The following LYST variants were observed in gnomAD, a reference collection of about 807,000 sequenced individuals.
LYST encodes the protein lysosomal-trafficking regulator.
In LYST, 192 loss-of-function variants were observed where a neutral mutation model predicts 413.6. That is an observed-to-expected ratio of 0.46 (90% CI 0.41 to 0.52). LYST has a LOEUF of 0.52. Ranked by LOEUF, LYST falls within the 20% of genes least tolerant of loss-of-function variation. The probability of loss-of-function intolerance (pLI) is 0.00; values close to 1 mark genes in which losing one functional copy is unlikely to be tolerated. For synonymous variants in LYST, 1,525 were observed against 1,567.3 expected, an observed-to-expected ratio of 0.97 and a Z score of 0.64; for missense variants, 3,815 against 4,499.9, an observed-to-expected ratio of 0.85 and a Z score of 4.35.
At chr1:235,740,620 T>C (rs1371524930) in intron 31 of LYST, among the ~76,000 whole-genome samples, 2 of 152,202 alleles carry the variant, frequency 1.3e-5, no homozygotes, top group Admixed American at 6.5e-5. Context: ...AGCTGTATAA[T>C]AGTCTATATG....
chr1:235,806,180 C>T lies in LYST; in HGVS notation c.2956G>A (p.Gly986Ser). 1 of 1,613,808 alleles carries T rather than the reference C, an allele frequency of 6.2e-7. No individual in the cohort carries two copies. Among genetic ancestry groups the T allele is most frequent in the Non-Finnish European group, 8.5e-7 (1 of 1,179,968 alleles). Residue 986 changes from glycine (G) to serine (S), a missense_variant, in exon 6 of 53, where the codon GGT becomes AGT. Gly to Ser is a moderately conservative substitution (Grantham distance 56, BLOSUM62 0). This residue lies in a region of LYST where 1,648 missense variants were observed against 1,810.3 expected (regional missense o/e 0.91). Transcript: ENST00000389793. ...VFQKQFYRLG[G>S]FRVCHKLIFM... ...ATTAACTTATGGCATACTCGGAAAC[C>T]ACCAAGCCTATAAAACTGTTTCTGG...
chr1:235,735,528 T>A (rs2103229047), intron 31 of LYST: 1 of 152,268 alleles, frequency 6.6e-6, no homozygotes, highest in East Asian at 1.9e-4. Context: ...GGCCCTTACA[T>A]GCTGTAGATA....
intron 14 of LYST, among the ~76,000 whole-genome samples, chr1:235,784,209 C>T (rs1332272556): frequency 2.0e-5 from 3 of 152,180 alleles, no homozygotes; most frequent in South Asian, 2.1e-4. Flanking sequence ...TATAAAGTGA[C>T]AAAGATACTA....
Position 235,791,867 on chromosome 1 carries a change from G to A in LYST, c.4375C>T (p.Pro1459Ser). 1 of 1,614,142 alleles carries A rather than the reference G, an allele frequency of 6.2e-7. No homozygotes were observed. Among genetic ancestry groups the A allele is most frequent in the Non-Finnish European group, 8.5e-7 (1 of 1,180,004 alleles). Residue 1459 changes from proline (P) to serine (S), a missense_variant, in exon 12 of 53, where the codon CCG (proline) becomes TCG (serine). By Grantham distance (74) the Pro-to-Ser change is moderately conservative (BLOSUM62 -1). Coordinates refer to ENST00000389793, the MANE Select transcript of LYST (RefSeq NM_000081.4). ...GGCCAGCAGTTTTGCCCCAGCAACGGCAGGTGGACTGGGGCTATGTGCCAA... is the reference window on the plus strand; with the variant it reads ...GGCCAGCAGTTTTGCCCCAGCAACGACAGGTGGACTGGGGCTATGTGCCAA... ...SSWHIAPVHL[P>S]LLGQNCWPHL... is the part of the protein sequence containing the mutation.
Position 235,674,472 on chromosome 1 carries a change from C to T in LYST, c.11038+2619G>A, listed in dbSNP as rs538781066. On this transcript the variant is annotated intron_variant, in intron 50 of 52. Transcript: ENST00000389793. This position sits in a 1 kb window ranked among gnomAD's most constrained non-coding sequence, Gnocchi z 4.1. ...CATATATATAAATGCTATCAAAGTT[C>T]CACAAGAGGTGCTAAATGAATTTAA... is the stretch of plus-strand genomic sequence containing the variant. Among the ~76,000 whole-genome samples the T allele has an allele frequency of 6.6e-6, 1 of 151,614 alleles. No homozygotes were observed. Among genetic ancestry groups the T allele is most frequent in the Non-Finnish European group, 1.5e-5 (1 of 67,974 alleles).
At chr1:235,739,088 A>AGT (rs1186268786) in intron 31 of LYST, 1 of 553,562 alleles carries the variant, frequency 1.8e-6, no homozygotes, top group Non-Finnish European at 3.5e-6. Context: ...TGATTAAAGC[A>AGT]GTGATGTTAA....
At chr1:235,742,524 G>A (rs945438835) in intron 30 of LYST, among the ~76,000 whole-genome samples, 1 of 151,184 alleles carries the variant, frequency 6.6e-6, no homozygotes. Flanking sequence ...TATACTTAGT[G>A]CCACTGAATG....
At chr1:235,877,063 C>A (rs1297021556) in intron 1 of LYST, among the ~76,000 whole-genome samples, 1 of 152,214 alleles carries the variant, frequency 6.6e-6, no homozygotes, top group Non-Finnish European at 1.5e-5. Context: ...ATTTCTATGT[C>A]CAGTCCTGGA....
At chr1:235,697,798 T>C (rs1168485058) in intron 45 of LYST, among the ~76,000 whole-genome samples, 1 of 152,166 alleles carries the variant, frequency 6.6e-6, no homozygotes, top group African/African-American at 2.4e-5. Context: ...GGGAAAGTGT[T>C]TATCTATGGA....
At position 235,758,362 on chromosome 1, in the gene LYST, ACT is replaced by A. The variant is rs1399349240; in HGVS notation, c.6881+608_6881+609del. On this transcript the variant is annotated intron_variant, in intron 23 of 52. Coordinates refer to ENST00000389793, the MANE Select transcript of LYST (RefSeq NM_000081.4). ...GGCAATGTCTGTCATAACATGGAGG[ACT>A]CTGTGCAGTCTGGTGACAGCCTGTC... 3.9e-5 allele frequency among the ~76,000 whole-genome samples: 6 copies of A among 152,128 alleles called. No homozygotes were observed. In the South Asian group the frequency reaches 1.2e-3, roughly 31 times the overall value.
intron 14 of LYST, among the ~76,000 whole-genome samples, chr1:235,785,800 T>C (rs1269926201): frequency 6.6e-6 from 1 of 152,208 alleles, no homozygotes; most frequent in Admixed American, 6.5e-5. Context: ...TGCTACTTCA[T>C]TCAATACAAT....
chr1:235,778,436 G>A (rs1055602948), intron 16 of LYST, among the ~76,000 whole-genome samples: 11 of 151,876 alleles, frequency 7.2e-5, no homozygotes, highest in South Asian at 2.1e-4. Context: ...GTACAGTGGC[G>A]TGATCTCAGC....
At chr1:235,713,096 G>C (rs1662535380) in intron 42 of LYST, 1 of 985,188 alleles carries the variant, frequency 1.0e-6, no homozygotes, top group South Asian at 4.7e-5. Context: ...TTGCTCTGCT[G>C]AGCAACATCT....
At chr1:235,846,324 A>T (rs920494950) in intron 1 of LYST, among the ~76,000 whole-genome samples, 1 of 152,156 alleles carries the variant, frequency 6.6e-6, no homozygotes, top group African/African-American at 2.4e-5. Context: ...GAAAAGGAGG[A>T]GTATACTACA....
chr1:235,690,102 T>C (rs1208743563), intron 47 of LYST, among the ~76,000 whole-genome samples: 2 of 152,248 alleles, frequency 1.3e-5, no homozygotes, highest in Non-Finnish European at 2.9e-5. Context: ...ATCTTTAACA[T>C]TGCGTTGAAA....
At chr1:235,732,465 C>A (rs549162178) in intron 34 of LYST, among the ~76,000 whole-genome samples, 1 of 152,224 alleles carries the variant, frequency 6.6e-6, no homozygotes, top group African/African-American at 2.4e-5. Flanking sequence ...CTGTGCCTGG[C>A]CTGCCTTCCA....
intron 46 of LYST, among the ~76,000 whole-genome samples, chr1:235,695,695 C>T (rs1410518743): frequency 1.5e-5 from 2 of 135,904 alleles, no homozygotes; most frequent in East Asian, 2.3e-4. Flanking sequence ...TGCAATGGTG[C>T]GATCTTGGCT....
At chr1:235,855,804 T>C (rs1679111108) in intron 1 of LYST, among the ~76,000 whole-genome samples, 2 of 152,162 alleles carry the variant, frequency 1.3e-5, no homozygotes, top group South Asian at 4.1e-4. Flanking sequence ...CACGTATAGA[T>C]AGCACGTTTC....
intron 3 of LYST, among the ~76,000 whole-genome samples, chr1:235,822,570 C>T (rs1368623386): frequency 6.6e-6 from 1 of 152,194 alleles, no homozygotes; most frequent in Admixed American, 6.5e-5. Flanking sequence ...ATCATCAATT[C>T]AACCCTGAGG....
Sources: allele counts gnomAD v4.1 joint callset (sites outside exome capture counted in the v4.1 genomes callset), GRCh38; gene constraint gnomAD v4.1.1; regional missense constraint gnomAD v4.1.1; non-coding constraint Gnocchi (gnomAD v3.1); transcripts MANE v1.5; gene names NCBI Gene and HGNC (gene_info 2026-07-23, HGNC 2026-07-21).